COMMD1: variants seen among roughly 807,000 people sequenced by gnomAD.
The protein encoded by COMMD1 is COMM domain-containing protein 1.
A neutral mutation model predicts 17.2 loss-of-function variants in COMMD1; 10 were observed. That is an observed-to-expected ratio of 0.58 (90% CI 0.36 to 0.99). The LOEUF is 0.99. Among genes scored for constraint, COMMD1 ranks in the 50% least tolerant of loss-of-function variants. COMMD1 has a pLI of 0.01. For missense variants in COMMD1, 270 were observed against 231.8 expected (o/e 1.17, Z -1.07); for synonymous variants, 97 against 91.6 (o/e 1.06, Z -0.34).
At chr2:61,968,585 T>C (rs1480512118) in intron 1 of COMMD1, among the ~76,000 whole-genome samples, 1 of 148,530 alleles carries the variant, frequency 6.7e-6, no homozygotes, top group Non-Finnish European at 1.5e-5. Context: ...GGAGGGAGGG[T>C]ATCACTCTGT....
chr2:62,094,901 G>A (rs1264600980), intron 2 of COMMD1, among the ~76,000 whole-genome samples: 2 of 152,166 alleles, frequency 1.3e-5, no homozygotes, highest in African/African-American at 4.8e-5. Context: ...GTTTTCAAAT[G>A]GCAATTTTAT....
chr2:62,008,957 C>T (rs1353454075), intron 2 of COMMD1, among the ~76,000 whole-genome samples: 1 of 151,924 alleles, frequency 6.6e-6, no homozygotes, highest in African/African-American at 2.4e-5. Flanking sequence ...CTAATTTTTG[C>T]ATTTTTAGTA....
chr2:61,951,689 A>G (rs1295423200), intron 1 of COMMD1, among the ~76,000 whole-genome samples: 1 of 152,168 alleles, frequency 6.6e-6, no homozygotes, highest in Non-Finnish European at 1.5e-5. Flanking sequence ...AAAGGGACAT[A>G]TGAATGTATC....
At chr2:61,987,386 T>C (rs909172168) in intron 1 of COMMD1, among the ~76,000 whole-genome samples, 1 of 152,188 alleles carries the variant, frequency 6.6e-6, no homozygotes, top group African/African-American at 2.4e-5. Context: ...CTAAGTTGTA[T>C]CTGCATTAAA....
At chr2:62,050,579 T>G (rs569328380) in intron 2 of COMMD1, among the ~76,000 whole-genome samples, 1 of 152,224 alleles carries the variant, frequency 6.6e-6, no homozygotes, top group Non-Finnish European at 1.5e-5. Flanking sequence ...TATTCAGCCT[T>G]GAATAATTCT....
Position 62,098,218 on chromosome 2 carries a change from G to A in COMMD1, c.463-37613G>A, listed in dbSNP as rs182977620. On this transcript the variant is annotated intron_variant, in intron 2 of 2. Coordinates refer to ENST00000311832, the MANE Select transcript of COMMD1 (RefSeq NM_152516.4). ...CTTGCCTAGGCTGGAGTGCAATGGC[G>A]CGATCTTGGCTCACTGCAACTTCTG... Among the ~76,000 whole-genome samples the A allele has an allele frequency of 4.1e-3, 595 of 146,774 alleles. 2 individuals carry two copies. The highest frequency in any genetic ancestry group is 5.1e-3 in the Non-Finnish European group (341 of 67,224).
intron 1 of COMMD1, among the ~76,000 whole-genome samples, chr2:61,939,149 G>A (rs1489983999): frequency 2.0e-5 from 3 of 151,980 alleles, no homozygotes; most frequent in African/African-American, 7.2e-5. Flanking sequence ...TTCACATAAA[G>A]TGCAGCAAGA....
At chr2:62,112,536 A>T (rs945782124) in intron 2 of COMMD1, among the ~76,000 whole-genome samples, 5 of 152,368 alleles carry the variant, frequency 3.3e-5, no homozygotes, top group African/African-American at 1.2e-4. Flanking sequence ...TAAAGTGTCA[A>T]GGGACGGGGT....
intron 2 of COMMD1, among the ~76,000 whole-genome samples, chr2:62,089,716 C>T (rs1380118858): frequency 6.6e-6 from 1 of 152,068 alleles, no homozygotes; most frequent in Non-Finnish European, 1.5e-5. Flanking sequence ...TTAAATAAAA[C>T]CCATCTGATG....
chr2:61,948,069 C>T (rs1036796804), intron 1 of COMMD1, among the ~76,000 whole-genome samples: 2 of 151,908 alleles, frequency 1.3e-5, no homozygotes, highest in Non-Finnish European at 2.9e-5. Flanking sequence ...CTGCATTATA[C>T]TTAATTTGGA....
intron 1 of COMMD1, among the ~76,000 whole-genome samples, chr2:61,924,749 CA>C (rs1670284880): frequency 6.6e-6 from 1 of 152,144 alleles, no homozygotes. Context: ...TGCAGTATTG[CA>C]GTGAAAGATA....
rs147940335 is a variant in COMMD1 at position 62,121,471 on chromosome 2, C to A, written c.463-14360C>A. 2.2e-3 allele frequency among the ~76,000 whole-genome samples: 336 copies of A among 150,180 alleles called. 2 individuals are homozygous for A. Among genetic ancestry groups the A allele is most frequent in the African/African-American group, 7.8e-3 (321 of 40,938 alleles). On this transcript the variant is annotated intron_variant, in intron 2 of 2. Coordinates refer to ENST00000311832, the MANE Select transcript of COMMD1 (RefSeq NM_152516.4). ...TGAGAAAACAGGACTGGGCGTGTTG[C>A]CTCATACCTGTAATCCCAACACTTT...
intron 2 of COMMD1, among the ~76,000 whole-genome samples, chr2:62,041,516 C>T (rs1417716620): frequency 1.3e-5 from 2 of 152,168 alleles, no homozygotes; most frequent in Non-Finnish European, 2.9e-5. Context: ...AGCAATCCTC[C>T]TACCTTAGCC....
At chr2:61,933,793 C>T (rs1410903557) in intron 1 of COMMD1, among the ~76,000 whole-genome samples, 2 of 140,526 alleles carry the variant, frequency 1.4e-5, no homozygotes, top group Non-Finnish European at 3.0e-5. Context: ...GATGGAGTTT[C>T]GCTCTTGTTG....
At chr2:61,917,627 A>G (rs1364293054) in intron 1 of COMMD1, among the ~76,000 whole-genome samples, 1 of 151,696 alleles carries the variant, frequency 6.6e-6, no homozygotes, top group Non-Finnish European at 1.5e-5. Flanking sequence ...TCCCTGGTTC[A>G]CGCTATTCTT....
chr2:61,959,893 C>G (rs558369532), intron 1 of COMMD1, among the ~76,000 whole-genome samples: 26 of 152,310 alleles, frequency 1.7e-4, no homozygotes, highest in Admixed American at 2.6e-4. Flanking sequence ...GTCCAGTTTC[C>G]ATTGGCTGGA....
intron 2 of COMMD1, among the ~76,000 whole-genome samples, chr2:62,131,009 G>A (rs1301053590): frequency 6.6e-6 from 1 of 152,220 alleles, no homozygotes; most frequent in Non-Finnish European, 1.5e-5. Context: ...CAGGGAAGGA[G>A]TTCATTAGGA....
chr2:62,038,198 G>A (rs1670090078), intron 2 of COMMD1, among the ~76,000 whole-genome samples: 1 of 152,188 alleles, frequency 6.6e-6, no homozygotes. Context: ...TAAGGCAGGA[G>A]AATTGCTTGA....
intron 1 of COMMD1, among the ~76,000 whole-genome samples, chr2:61,962,622 G>T (rs2103698564): frequency 6.6e-6 from 1 of 152,306 alleles, no homozygotes; most frequent in African/African-American, 2.4e-5. Flanking sequence ...TGCAGCCCCA[G>T]TAAGATCTCT....
Sources: allele counts gnomAD v4.1 joint callset (sites outside exome capture counted in the v4.1 genomes callset), GRCh38; gene constraint gnomAD v4.1.1; transcripts MANE v1.5; gene names NCBI Gene and HGNC (gene_info 2026-07-23, HGNC 2026-07-21).